The following SLC2A13 variants were observed in gnomAD, a reference collection of about 807,000 sequenced individuals.
SLC2A13 encodes the protein proton myo-inositol cotransporter.
A neutral mutation model predicts 64.4 loss-of-function variants in SLC2A13; 32 were observed. The observed-to-expected ratio is 0.50, with a 90% CI of 0.37 to 0.67. The LOEUF (loss-of-function observed/expected upper bound fraction) is 0.67, where lower values mean the gene tolerates loss of function less well. SLC2A13 is among the 30% of genes least tolerant of loss of function. SLC2A13 has a pLI of 0.00. For missense variants in SLC2A13, 743 were observed against 829.2 expected, an observed-to-expected ratio of 0.90 and a Z score of 1.28; for synonymous variants, 338 against 327.1, an observed-to-expected ratio of 1.03 and a Z score of -0.36.
intron 3 of SLC2A13, among the ~76,000 whole-genome samples, chr12:40,020,208 T>C (rs1427967501): frequency 1.3e-5 from 2 of 152,164 alleles, no homozygotes; most frequent in African/African-American, 4.8e-5. Flanking sequence ...TTTCTTCAGA[T>C]AGTATATGAC....
At chr12:39,960,075 G>A (rs547168245) in intron 3 of SLC2A13, among the ~76,000 whole-genome samples, 1 of 152,086 alleles carries the variant, frequency 6.6e-6, no homozygotes, top group African/African-American at 2.4e-5. Context: ...TATAGACAGG[G>A]CCACTTTTTT....
At chr12:39,969,894 T>C (rs944290328) in intron 3 of SLC2A13, among the ~76,000 whole-genome samples, 1 of 152,208 alleles carries the variant, frequency 6.6e-6, no homozygotes, top group African/African-American at 2.4e-5. Context: ...TCCTGAAAGG[T>C]ATTGCCTAGG....
chr12:39,775,630 A>G (rs1303789878), intron 7 of SLC2A13, among the ~76,000 whole-genome samples: 2 of 152,240 alleles, frequency 1.3e-5, no homozygotes, highest in African/African-American at 4.8e-5. Flanking sequence ...TACTTCATAA[A>G]GTCTACCTGG....
At chr12:40,010,218 G>T (rs1947504642) in intron 3 of SLC2A13, among the ~76,000 whole-genome samples, 2 of 152,144 alleles carry the variant, frequency 1.3e-5, no homozygotes, top group Non-Finnish European at 2.9e-5. Context: ...TGTTAAATAA[G>T]GAACATTATT....
At chr12:39,889,839 C>CT (rs1285188232) in intron 4 of SLC2A13, among the ~76,000 whole-genome samples, 1 of 152,042 alleles carries the variant, frequency 6.6e-6, no homozygotes, top group Non-Finnish European at 1.5e-5. Context: ...CATAAACAAC[C>CT]TTTTAAAGGC....
intron 3 of SLC2A13, among the ~76,000 whole-genome samples, chr12:39,994,876 G>T (rs989014548): frequency 6.6e-6 from 1 of 152,214 alleles, no homozygotes; most frequent in South Asian, 2.1e-4. Flanking sequence ...TGTATGAAAA[G>T]ATAGTACAAT....
intron 4 of SLC2A13, among the ~76,000 whole-genome samples, chr12:39,880,995 A>G (rs1415759973): frequency 6.6e-6 from 1 of 152,238 alleles, no homozygotes; most frequent in African/African-American, 2.4e-5. Context: ...GTTGAATTGT[A>G]TGTATAACAG....
intron 7 of SLC2A13, among the ~76,000 whole-genome samples, chr12:39,809,390 A>G (rs1942076338): frequency 6.6e-6 from 1 of 152,106 alleles, no homozygotes; most frequent in Admixed American, 6.6e-5. Context: ...GTTCTTTTGC[A>G]TTTCTATATA....
chr12:39,955,534 A>G (rs1946300777), intron 3 of SLC2A13, among the ~76,000 whole-genome samples: 1 of 152,200 alleles, frequency 6.6e-6, no homozygotes, highest in Non-Finnish European at 1.5e-5. Flanking sequence ...TAAGACCAAT[A>G]AAATTGATAA....
intron 6 of SLC2A13, chr12:39,835,648 T>A (rs1942984624): frequency 6.6e-6 from 1 of 152,058 alleles, no homozygotes; most frequent in African/African-American, 2.4e-5. Context: ...GCAAAATAGA[T>A]TCTGAGCACC....
At chr12:39,995,866 C>T (rs28370752) in intron 3 of SLC2A13, among the ~76,000 whole-genome samples, 1,587 of 152,276 alleles carry the variant, frequency 0.01, 34 homozygotes, top group African/African-American at 0.037. Flanking sequence ...TGCTACCATC[C>T]GTGAAAAACA....
At chr12:39,820,986 C>T (rs1003597528) in intron 7 of SLC2A13, among the ~76,000 whole-genome samples, 2 of 151,882 alleles carry the variant, frequency 1.3e-5, no homozygotes, top group African/African-American at 4.8e-5. Flanking sequence ...CTGCAGTGTT[C>T]CCCAAACTTC....
chr12:39,905,116 A>G (rs1212703024), intron 4 of SLC2A13, among the ~76,000 whole-genome samples: 1 of 152,150 alleles, frequency 6.6e-6, no homozygotes, highest in Admixed American at 6.6e-5. Context: ...CAATTTTAAA[A>G]TCAGAATTTA....
At chr12:40,016,562 TGAAAATATATTTGAATTTCATA>T (rs1947625809) in intron 3 of SLC2A13, among the ~76,000 whole-genome samples, 1 of 152,160 alleles carries the variant, frequency 6.6e-6, no homozygotes, top group African/African-American at 2.4e-5. Flanking sequence ...TCATAGCTAG[TGAAAATATATTTGAATTTCATA>T]GGCTCACCTT....
At chr12:39,929,335 G>A (rs1007436765) in intron 4 of SLC2A13, among the ~76,000 whole-genome samples, 2 of 151,888 alleles carry the variant, frequency 1.3e-5, no homozygotes, top group Non-Finnish European at 2.9e-5. Context: ...GGTGGATCAC[G>A]ACGTCAGGAG....
chr12:39,774,921 G>A (rs184763680), intron 7 of SLC2A13, among the ~76,000 whole-genome samples: 2 of 152,140 alleles, frequency 1.3e-5, no homozygotes, highest in Non-Finnish European at 2.9e-5. Flanking sequence ...AAGGTGATGA[G>A]ACTATAGCAA....
intron 6 of SLC2A13, among the ~76,000 whole-genome samples, chr12:39,847,364 G>A (rs1042657339): frequency 5.3e-5 from 8 of 151,922 alleles, no homozygotes; most frequent in African/African-American, 1.2e-4. Flanking sequence ...CCCTCCTCCC[G>A]ACTGCTAGAC....
At chr12:39,910,240 T>C (rs74563897) in intron 4 of SLC2A13, among the ~76,000 whole-genome samples, 3,009 of 152,236 alleles carry the variant, frequency 0.02, 36 homozygotes, top group Non-Finnish European at 0.032. Flanking sequence ...TCTTTAATAA[T>C]GGCTGTATTT....
intron 1 of SLC2A13, among the ~76,000 whole-genome samples, chr12:40,057,902 T>C (rs983324991): frequency 6.6e-6 from 1 of 152,120 alleles, no homozygotes; most frequent in Non-Finnish European, 1.5e-5. Context: ...TGAATGGACC[T>C]GGCCTTTGAA....
Sources: allele counts gnomAD v4.1 joint callset (sites outside exome capture counted in the v4.1 genomes callset), GRCh38; gene constraint gnomAD v4.1.1; transcripts MANE v1.5; gene names NCBI Gene and HGNC (gene_info 2026-07-23, HGNC 2026-07-21).